INPP4B: variants seen among roughly 807,000 people sequenced by gnomAD.
The protein encoded by INPP4B is inositol polyphosphate-4-phosphatase type II B, also known as inositol polyphosphate 4-phosphatase type II.
A neutral mutation model predicts 122.5 loss-of-function variants in INPP4B; 55 were observed. The ratio of observed to expected loss-of-function variants is 0.45; its 90% CI spans 0.36 to 0.56. The LOEUF is 0.56. INPP4B is among the 20% of genes least tolerant of loss of function. INPP4B has a pLI of 0.00. For missense variants in INPP4B, 1,000 were observed against 1,097.7 expected, an observed-to-expected ratio of 0.91 and a Z score of 1.26; for synonymous variants, 403 against 388.7, an observed-to-expected ratio of 1.04 and a Z score of -0.43.
chr4:142,488,299 C>A (rs1821438356), intron 2 of INPP4B, among the ~76,000 whole-genome samples: 1 of 151,734 alleles, frequency 6.6e-6, no homozygotes, highest in Admixed American at 6.6e-5. Flanking sequence ...AATTGATTTC[C>A]AATATTTTGT....
chr4:142,314,088 T>C (rs954047291), intron 8 of INPP4B, among the ~76,000 whole-genome samples: 4 of 152,186 alleles, frequency 2.6e-5, no homozygotes, highest in Admixed American at 2.6e-4. Flanking sequence ...TCCTCCTCTC[T>C]GAACACACAG....
intron 11 of INPP4B, among the ~76,000 whole-genome samples, chr4:142,248,646 G>A (rs962278083): frequency 2.5e-4 from 37 of 149,848 alleles, no homozygotes; most frequent in African/African-American, 8.3e-4. Flanking sequence ...GTGTGTGTGT[G>A]TGTGTATGTG....
chr4:142,545,709 G>GTGTGTATATACACATA (rs372859019), intron 2 of INPP4B, among the ~76,000 whole-genome samples: 50,983 of 101,962 alleles, frequency 0.5, 18,359 homozygotes, highest in Non-Finnish European at 0.61. Flanking sequence ...GTATATATAT[G>GTGTGTATATACACATA]TGTGTGTATA....
intron 5 of INPP4B, among the ~76,000 whole-genome samples, chr4:142,418,165 C>T (rs984797966): frequency 6.6e-6 from 1 of 152,038 alleles, no homozygotes; most frequent in Admixed American, 6.6e-5. Context: ...CCAAAAGACT[C>T]TATTTCTCTA....
At chr4:142,494,391 A>G (rs1822264131) in intron 2 of INPP4B, among the ~76,000 whole-genome samples, 1 of 152,174 alleles carries the variant, frequency 6.6e-6, no homozygotes, top group Non-Finnish European at 1.5e-5. Flanking sequence ...ATAAAACCAT[A>G]AAATACAGGC....
intron 9 of INPP4B, among the ~76,000 whole-genome samples, chr4:142,272,181 C>CT (rs1041095776): frequency 6.9e-4 from 105 of 151,854 alleles, no homozygotes; most frequent in African/African-American, 2.2e-3. Context: ...CTAAATGCTG[C>CT]TTTTTTTTAG....
intron 15 of INPP4B, 27 bp downstream of exon 15, chr4:142,193,053 ATGGAATC>A (rs763461382): frequency 7.8e-7 from 1 of 1,284,466 alleles, no homozygotes; most frequent in Non-Finnish European, 1.1e-6. Flanking sequence ...GATGTTATTA[ATGGAATC>A]TGTGCTTTCC....
chr4:142,603,686 A>T (rs759536542), intron 2 of INPP4B, among the ~76,000 whole-genome samples: 2 of 152,058 alleles, frequency 1.3e-5, no homozygotes, highest in Non-Finnish European at 2.9e-5. Flanking sequence ...TCCTAAGCAG[A>T]CCAATAATGA....
chr4:142,189,390 G>A (rs538695615), intron 15 of INPP4B, among the ~76,000 whole-genome samples: 24 of 152,208 alleles, frequency 1.6e-4, no homozygotes, highest in African/African-American at 4.8e-4. Flanking sequence ...TTGATCTATA[G>A]CATACTTATA....
chr4:142,467,405 C>T (rs1028498175), intron 2 of INPP4B, among the ~76,000 whole-genome samples: 2 of 152,168 alleles, frequency 1.3e-5, no homozygotes, highest in Admixed American at 1.3e-4. Context: ...TAATGATAGC[C>T]TTGCTGGGTT....
At chr4:142,269,147 T>C (rs1744512524) in intron 10 of INPP4B, among the ~76,000 whole-genome samples, 2 of 151,914 alleles carry the variant, frequency 1.3e-5, no homozygotes, top group South Asian at 4.1e-4. Flanking sequence ...ATTGACTTCT[T>C]TTATTTTAAG....
At chr4:142,803,506 G>GA (rs923400567) in intron 1 of INPP4B, among the ~76,000 whole-genome samples, 6 of 151,324 alleles carry the variant, frequency 4.0e-5, no homozygotes, top group Non-Finnish European at 7.4e-5. Context: ...TAAAAGAGGG[G>GA]AAAAAACTAT....
At chr4:142,733,547 T>G (rs928757769) in intron 1 of INPP4B, among the ~76,000 whole-genome samples, 1 of 152,128 alleles carries the variant, frequency 6.6e-6, no homozygotes, top group Non-Finnish European at 1.5e-5. Flanking sequence ...TATTAGTCTT[T>G]TGGAATGCAA....
intron 2 of INPP4B, among the ~76,000 whole-genome samples, chr4:142,611,818 G>A (rs1448557995): frequency 3.3e-5 from 5 of 151,424 alleles, no homozygotes; most frequent in Non-Finnish European, 7.4e-5. Context: ...ACAGGTGCAC[G>A]CCACCATGCC....
intron 25 of INPP4B, among the ~76,000 whole-genome samples, chr4:142,072,257 G>T (rs1172736699): frequency 6.6e-6 from 1 of 151,948 alleles, no homozygotes; most frequent in East Asian, 1.9e-4. Flanking sequence ...AACACCACAT[G>T]TTCTCACTCG....
At chr4:142,112,454 T>C in intron 22 of INPP4B, 88 bp downstream of exon 22, 1 of 1,268,430 alleles carries the variant, frequency 7.9e-7, no homozygotes, top group Non-Finnish European at 1.1e-6. Flanking sequence ...TTGATGTTAG[T>C]TCTACATGCA....
At chr4:142,185,388 A>G (rs988808313) in intron 15 of INPP4B, among the ~76,000 whole-genome samples, 6 of 146,266 alleles carry the variant, frequency 4.1e-5, no homozygotes, top group Non-Finnish European at 6.1e-5. Context: ...ATATATGTGT[A>G]TGTGTGTGTG....
chr4:142,440,498 G>T (rs1053682497), intron 3 of INPP4B, among the ~76,000 whole-genome samples: 3 of 152,144 alleles, frequency 2.0e-5, no homozygotes, highest in Admixed American at 1.3e-4. Flanking sequence ...AATCCAAGAT[G>T]TTGGTTTTCC....
At chr4:142,583,347 T>G (rs1470226267) in intron 2 of INPP4B, 2 of 152,168 alleles carry the variant, frequency 1.3e-5, no homozygotes, top group East Asian at 3.9e-4. Flanking sequence ...CCCTTTTCTT[T>G]CCTGCCCCAC....
Sources: gnomAD v4.1 joint callset for allele counts (sites outside exome capture counted in the v4.1 genomes callset) on GRCh38, gnomAD v4.1.1 for gene constraint, MANE v1.5 for transcripts, NCBI Gene and HGNC (gene_info 2026-07-23, HGNC 2026-07-21) for gene names.